Variants in TIPRL observed in about 807,000 individuals in gnomAD.
The protein encoded by TIPRL is TIP41-like protein.
Under a neutral mutation model 32.3 loss-of-function variants are expected in TIPRL, and 10 were observed. The observed-to-expected ratio is 0.31, with a 90% CI of 0.19 to 0.52. The LOEUF (loss-of-function observed/expected upper bound fraction) is 0.52, where lower values mean the gene tolerates loss of function less well. Ranked by LOEUF, TIPRL falls within the 20% of genes least tolerant of loss-of-function variation. TIPRL has a pLI of 0.96. For missense variants in TIPRL, 250 were observed against 328.1 expected, an observed-to-expected ratio of 0.76 and a Z score of 1.84; for synonymous variants, 100 against 114.0, an observed-to-expected ratio of 0.88 and a Z score of 0.78.
At position 168,184,063 on chromosome 1, in the gene TIPRL, AAG is replaced by A; in HGVS notation, c.269_270del (p.Glu90ValfsTer9). 6.2e-7 allele frequency: 1 copy of A among 1,609,210 alleles called. No homozygotes were observed. The highest frequency in any genetic ancestry group is 1.3e-5 in the African/African-American group (1 of 74,990). The stretch of plus-strand genomic sequence containing the variant: ...GGAATGCTTAAAGTGGCCTGTGCTG[AAG>A]AGTGGCAAGAAAGCAGGTGAGAATC... On this transcript the variant is annotated frameshift_variant, in exon 2 of 7. Coordinates refer to ENST00000367833, the MANE Select transcript of TIPRL (RefSeq NM_152902.5). LOFTEE classifies it high-confidence loss of function.
At chr1:168,186,232 A>C (rs1018552033) in intron 3 of TIPRL, among the ~76,000 whole-genome samples, 1 of 152,210 alleles carries the variant, frequency 6.6e-6, no homozygotes, top group Non-Finnish European at 1.5e-5. Flanking sequence ...TCAATGGCTC[A>C]CGCCTGTAAT....
At chr1:168,184,494 G>A (rs1396319075) in intron 2 of TIPRL, among the ~76,000 whole-genome samples, 1 of 152,108 alleles carries the variant, frequency 6.6e-6, no homozygotes, top group Non-Finnish European at 1.5e-5. Flanking sequence ...TATTTACTTT[G>A]TGCCTAATAT....
In TIPRL at chr1:168,201,950, G is replaced by A. The variant is rs1043119778; in HGVS notation, c.*1904G>A. ...TTTTTTTTTAGAGGGTAAGAGATGG[G>A]TAGAAGAGTATGCCTCTGAAAATTT... On this transcript the variant is annotated 3_prime_UTR_variant, in exon 7 of 7. Transcript: ENST00000367833. 3.3e-5 allele frequency: 5 copies of A among 151,242 alleles called. No individual in the cohort carries two copies. Among genetic ancestry groups the A allele is most frequent in the Non-Finnish European group, 5.9e-5 (4 of 67,876 alleles). 9.4% of individuals were successfully genotyped at this position (151,242 alleles called of 1,614,324 possible).
chr1:168,195,919 C>T (rs996341760), intron 4 of TIPRL, among the ~76,000 whole-genome samples: 7 of 152,184 alleles, frequency 4.6e-5, no homozygotes, highest in Non-Finnish European at 8.8e-5. Flanking sequence ...TCCATTCAAC[C>T]GCTCTCTCCC....
chr1:168,184,697 A>G (rs1700005986), intron 2 of TIPRL, 82 bp from the exon 3 acceptor site: 1 of 833,056 alleles, frequency 1.2e-6, no homozygotes, highest in African/African-American at 1.7e-5. Context: ...TTATTATAGA[A>G]TATAATTTGA....
intron 6 of TIPRL, 112 bp from the exon 7 acceptor site, chr1:168,199,791 T>G: frequency 9.5e-7 from 1 of 1,050,626 alleles, no homozygotes; most frequent in Non-Finnish European, 1.4e-6. Flanking sequence ...CATATGCATA[T>G]ATTGCACCTG....
intron 5 of TIPRL, among the ~76,000 whole-genome samples, chr1:168,197,055 T>A (rs554868790): frequency 6.6e-6 from 1 of 152,308 alleles, no homozygotes; most frequent in African/African-American, 2.4e-5. Context: ...AGCTCACGCC[T>A]GTAATCCCGG....
chr1:168,196,941 C>G (rs1700165217), intron 5 of TIPRL, among the ~76,000 whole-genome samples: 1 of 152,186 alleles, frequency 6.6e-6, no homozygotes, highest in Admixed American at 6.5e-5. Flanking sequence ...TGTCCTTTAA[C>G]TCTTACCTTT....
intron 4 of TIPRL, among the ~76,000 whole-genome samples, chr1:168,194,383 G>A (rs1455248676): frequency 6.6e-6 from 1 of 152,146 alleles, no homozygotes; most frequent in Non-Finnish European, 1.5e-5. Flanking sequence ...CCCTAGGAAA[G>A]AACTACTGCC....
At chr1:168,198,828 A>T in intron 5 of TIPRL, 91 bp from the exon 6 acceptor site, 1 of 1,117,228 alleles carries the variant, frequency 9.0e-7, no homozygotes, top group South Asian at 1.4e-5. Context: ...TTGACAACCT[A>T]TCCTAAAATG....
At chr1:168,199,078 C>A in intron 6 of TIPRL, 97 bp downstream of exon 6, 2 of 865,558 alleles carry the variant, frequency 2.3e-6, no homozygotes, top group Non-Finnish European at 3.7e-6. Context: ...AAGTTTACAT[C>A]CCTAAACCCA....
intron 3 of TIPRL, among the ~76,000 whole-genome samples, 167 bp downstream of exon 3, chr1:168,185,045 A>G (rs1419896243): frequency 1.3e-5 from 2 of 152,220 alleles, no homozygotes; most frequent in East Asian, 1.9e-4. Context: ...TTGACTTATC[A>G]GTAGAAAATA....
chr1:168,188,490 T>C (rs779246831), intron 3 of TIPRL, among the ~76,000 whole-genome samples: 51 of 152,248 alleles, frequency 3.3e-4, no homozygotes, highest in Admixed American at 7.2e-4. Context: ...TAAAACTTTA[T>C]GGACAGTGAA....
chr1:168,183,237 C>A (rs1699988840), intron 1 of TIPRL, among the ~76,000 whole-genome samples: 1 of 151,904 alleles, frequency 6.6e-6, no homozygotes, highest in East Asian at 1.9e-4. Context: ...CAGAGTATTT[C>A]TTTTTCATGA....
chr1:168,196,103 A>G (rs1028104508), intron 4 of TIPRL, among the ~76,000 whole-genome samples: 6 of 152,242 alleles, frequency 3.9e-5, no homozygotes, highest in East Asian at 1.9e-4. Context: ...TACAGGTTGC[A>G]CTGAATTAGA....
At chr1:168,198,218 G>A (rs1456420756) in intron 5 of TIPRL, among the ~76,000 whole-genome samples, 1 of 152,092 alleles carries the variant, frequency 6.6e-6, no homozygotes, top group Non-Finnish European at 1.5e-5. Context: ...TATAAGCTGT[G>A]ATCACTGATG....
At chr1:168,199,456 G>A (rs923924115) in intron 6 of TIPRL, among the ~76,000 whole-genome samples, 1 of 152,084 alleles carries the variant, frequency 6.6e-6, no homozygotes, top group Non-Finnish European at 1.5e-5. Flanking sequence ...TCTATAATGG[G>A]TTGCTTAAAA....
rs746302570 is a variant in TIPRL at position 168,199,997 on chromosome 1, G to A, written c.770G>A (p.Arg257Lys). The A allele has an allele frequency of 3.1e-6, 5 of 1,613,434 alleles. No homozygotes were observed. Among genetic ancestry groups the A allele is most frequent in the Non-Finnish European group, 4.2e-6 (5 of 1,179,730 alleles). The change falls in exon 7 of 7, where the codon AGA becomes AAA. Residue 257 changes from arginine (R) to lysine (K), a missense_variant. Transcript: ENST00000367833. Reference sequence around the variant, plus strand: ...TGTGAGAAGCTAATATTTCCAGAAAGAATTGATCCTAACCCAGCAGACTCA... The same window carrying A: ...TGTGAGAAGCTAATATTTCCAGAAAAAATTGATCCTAACCCAGCAGACTCA... ...AVCEKLIFPE[R>K]IDPNPADSQK...
At chr1:168,181,578 C>CAATTAAAAATTGCAATTA (rs1312341575) in intron 1 of TIPRL, among the ~76,000 whole-genome samples, 3 of 146,430 alleles carry the variant, frequency 2.0e-5, no homozygotes, top group Non-Finnish European at 4.5e-5. Context: ...TTTTTAATTG[C>CAATTAAAAATTGCAATTA]AAAACCGCAA....
Sources: allele counts gnomAD v4.1 joint callset (sites outside exome capture counted in the v4.1 genomes callset), GRCh38; gene constraint gnomAD v4.1.1; transcripts MANE v1.5; gene names NCBI Gene and HGNC (gene_info 2026-07-23, HGNC 2026-07-21).